The following KCTD16 variants were observed in gnomAD, a reference collection of about 807,000 sequenced individuals.
KCTD16 encodes BTB/POZ domain-containing protein KCTD16.
Under a neutral mutation model 33.2 loss-of-function variants are expected in KCTD16, and 13 were observed. That is an observed-to-expected ratio of 0.39 (90% CI 0.25 to 0.62). KCTD16 has a LOEUF of 0.62. Among genes scored for constraint, KCTD16 ranks in the 20% least tolerant of loss-of-function variants. The pLI, the probability that KCTD16 is intolerant of heterozygous loss-of-function variation, is 0.50. For missense variants in KCTD16, 441 were observed against 525.1 expected, an observed-to-expected ratio of 0.84 and a Z score of 1.57; for synonymous variants, 197 against 195.3, an observed-to-expected ratio of 1.01 and a Z score of -0.07.
chr5:144,469,253 A>G (rs1273494252), intron 3 of KCTD16, among the ~76,000 whole-genome samples: 2 of 151,996 alleles, frequency 1.3e-5, no homozygotes, highest in African/African-American at 2.4e-5. Context: ...TTTTTTTCCA[A>G]AAACATCCTC....
chr5:144,285,874 A>ACGG, intron 3 of KCTD16, among the ~76,000 whole-genome samples: 1 of 152,276 alleles, frequency 6.6e-6, no homozygotes, highest in Admixed American at 6.5e-5. Flanking sequence ...TACCAGACAG[A>ACGG]ACAATTCTAA....
intron 3 of KCTD16, among the ~76,000 whole-genome samples, chr5:144,325,838 C>T (rs1234388034): frequency 6.6e-6 from 1 of 152,102 alleles, no homozygotes; most frequent in Non-Finnish European, 1.5e-5. Context: ...TGCCCCTGTG[C>T]ACTGCCAAAT....
In KCTD16 at chr5:144,478,653, G is replaced by A. The variant is rs1181811955; in HGVS notation, c.*4539G>A. 1 of 152,024 alleles carries A rather than the reference G, an allele frequency of 6.6e-6. No homozygotes were observed. Among genetic ancestry groups the A allele is most frequent in the Non-Finnish European group, 1.5e-5 (1 of 67,946 alleles). The allele number at this position is 152,024 out of a possible 1,614,324, so 9.4% of individuals were successfully genotyped here. On this transcript the variant is annotated 3_prime_UTR_variant, in exon 4 of 4. Coordinates refer to ENST00000512467, the MANE Select transcript of KCTD16 (RefSeq NM_020768.4). ...CTCCTTAATAATTTTGATGAGGATT[G>A]TCTATAGACCTTACTTTGAAAAATT... is the stretch of plus-strand genomic sequence containing the variant.
chr5:144,446,442 C>A (rs1243928524), intron 3 of KCTD16, among the ~76,000 whole-genome samples: 2 of 152,082 alleles, frequency 1.3e-5, no homozygotes, highest in African/African-American at 4.8e-5. Flanking sequence ...AGACCCAAAA[C>A]CATAAAATCT....
Position 144,299,137 on chromosome 5 carries a change from TA to T in KCTD16, c.832+91592del, listed in dbSNP as rs1561558751. Among the ~76,000 whole-genome samples the T allele has an allele frequency of 3.4e-3, 115 of 33,438 alleles. 1 individual carries two copies. The highest frequency in any genetic ancestry group is 0.01 in the African/African-American group (34 of 3,354). The allele number at this position is 33,438 out of a possible 152,430, so 21.9% of individuals were successfully genotyped here. A position where few individuals can be genotyped will look rare whatever the true frequency, so the allele number is the denominator to read the frequency against. ...ATATATATATATATATATATATATA[TA>T]TATATATATATTTTTTTTTTTTTTT... is the stretch of plus-strand genomic sequence containing the variant. On this transcript the variant is annotated intron_variant, in intron 3 of 3. Transcript: ENST00000512467.
rs890468546 is a variant in KCTD16, at chr5:144,379,510, C to A, written c.833-94150C>A. Among the ~76,000 whole-genome samples the A allele has an allele frequency of 2.0e-5, 3 of 151,998 alleles. No homozygotes were observed. In the South Asian group the frequency reaches 6.2e-4, roughly 32 times the overall value. ...TTTTGGAGGATATCTTTAAGAATATCATTATAATAGATTAAAGACAAGGAG... is the reference window on the plus strand; with the variant it reads ...TTTTGGAGGATATCTTTAAGAATATAATTATAATAGATTAAAGACAAGGAG... On this transcript the variant is annotated intron_variant, in intron 3 of 3. Transcript: ENST00000512467.
At chr5:144,381,115 A>T (rs1215553963) in intron 3 of KCTD16, among the ~76,000 whole-genome samples, 1 of 152,146 alleles carries the variant, frequency 6.6e-6, no homozygotes, top group Non-Finnish European at 1.5e-5. Flanking sequence ...CAAGGAAAAA[A>T]CAAGCAACCC....
intron 3 of KCTD16, among the ~76,000 whole-genome samples, chr5:144,458,793 TC>T (rs1249481733): frequency 6.6e-6 from 1 of 152,218 alleles, no homozygotes; most frequent in Non-Finnish European, 1.5e-5. Flanking sequence ...AGGGCTCTCT[TC>T]TTGCATTTCA....
rs1197466976 is a variant in KCTD16, at chr5:144,235,664, CT to C, written c.832+28119del. On this transcript the variant is annotated intron_variant, in intron 3 of 3. Coordinates refer to ENST00000512467, the MANE Select transcript of KCTD16 (RefSeq NM_020768.4). ...TAAATATTACCTTTTATTATTATTA[CT>C]AGTATAGAAATGAGAGATGAGAGAC... 3.9e-5 allele frequency among the ~76,000 whole-genome samples: 6 copies of C among 152,084 alleles called. No individual in the cohort carries two copies. The East Asian group carries it at 1.2e-3, about 29-fold the overall frequency.
intron 3 of KCTD16, among the ~76,000 whole-genome samples, chr5:144,365,728 T>C (rs1353499110): frequency 6.6e-6 from 1 of 152,170 alleles, no homozygotes; most frequent in Non-Finnish European, 1.5e-5. Context: ...TTGCAATCAA[T>C]GGACAACTCA....
chr5:144,456,959 A>T (rs1754080421), intron 3 of KCTD16, among the ~76,000 whole-genome samples: 1 of 152,226 alleles, frequency 6.6e-6, no homozygotes, highest in Admixed American at 6.5e-5. Flanking sequence ...GGAACACAGA[A>T]ATGTTTTAAA....
intron 3 of KCTD16, among the ~76,000 whole-genome samples, chr5:144,321,833 A>G (rs1390679747): frequency 6.6e-6 from 1 of 152,172 alleles, no homozygotes; most frequent in Non-Finnish European, 1.5e-5. Flanking sequence ...CAGAGGCAAA[A>G]AGAATAATAC....
At chr5:144,435,986 G>A (rs910548165) in intron 3 of KCTD16, among the ~76,000 whole-genome samples, 3 of 152,068 alleles carry the variant, frequency 2.0e-5, no homozygotes, top group Non-Finnish European at 4.4e-5. Context: ...GCATTTTCTG[G>A]TACACTGCTT....
rs368960236 is a variant in KCTD16, at chr5:144,346,981, A to G, written c.833-126679A>G. 4.3e-4 allele frequency among the ~76,000 whole-genome samples: 66 copies of G among 152,064 alleles called. No homozygotes were observed. The South Asian group carries it at 0.013, about 31-fold the overall frequency. On this transcript the variant is annotated intron_variant, in intron 3 of 3. Coordinates refer to ENST00000512467, the MANE Select transcript of KCTD16 (RefSeq NM_020768.4). ...ACTTTTTTTTTTGTGGTAGTTTCATAGTTTGAATTCTTATATTTAAGTCTT... is the reference window on the plus strand; with the variant it reads ...ACTTTTTTTTTTGTGGTAGTTTCATGGTTTGAATTCTTATATTTAAGTCTT...
chr5:144,182,068 A>G (rs1752636711), intron 2 of KCTD16, among the ~76,000 whole-genome samples: 1 of 150,328 alleles, frequency 6.7e-6, no homozygotes. Context: ...CTGGGCAACA[A>G]AAGTGAAACT....
chr5:144,233,577 CAA>C (rs1416505764), intron 3 of KCTD16, among the ~76,000 whole-genome samples: 1 of 152,100 alleles, frequency 6.6e-6, no homozygotes, highest in Admixed American at 6.6e-5. Flanking sequence ...TCTTAAAAGG[CAA>C]AGAGTTTAGT....
rs1453442519 is a variant in KCTD16 at position 144,482,489 on chromosome 5, G to A, written c.*8375G>A. 1 of 151,826 alleles carries A rather than the reference G, an allele frequency of 6.6e-6. No homozygotes were observed. Among genetic ancestry groups the A allele is most frequent in the African/African-American group, 2.4e-5 (1 of 41,388 alleles). The allele number at this position is 151,826 out of a possible 1,614,324, so 9.4% of individuals were successfully genotyped here. On this transcript the variant is annotated 3_prime_UTR_variant, in exon 4 of 4. Transcript: ENST00000512467. The stretch of plus-strand genomic sequence containing the variant: ...AATAGGTGTATGAGCGTGTTTATAT[G>A]TGTTTATGCATGAGTGTATCTAGGT...
At chr5:144,205,279 G>A (rs965141350) in intron 2 of KCTD16, 3 of 337,344 alleles carry the variant, frequency 8.9e-6, no homozygotes, top group Non-Finnish European at 1.6e-5. Context: ...ACCTGTCACC[G>A]AGGAGGACGT....
chr5:144,368,783 C>T (rs1751896584), intron 3 of KCTD16, among the ~76,000 whole-genome samples: 1 of 152,118 alleles, frequency 6.6e-6, no homozygotes, highest in South Asian at 2.1e-4. Context: ...GGCATAGTGC[C>T]AAGTCCTTTA....
Sources: allele counts gnomAD v4.1 joint callset (sites outside exome capture counted in the v4.1 genomes callset), GRCh38; gene constraint gnomAD v4.1.1; transcripts MANE v1.5; gene names NCBI Gene and HGNC (gene_info 2026-07-23, HGNC 2026-07-21).